Variants in NAA35 observed in about 807,000 individuals in gnomAD.
NAA35 encodes the protein MAK10 homolog, amino-acid N-acetyltransferase subunit.
A neutral mutation model predicts 101.7 loss-of-function variants in NAA35; 18 were observed. The ratio of observed to expected loss-of-function variants is 0.18; its 90% CI spans 0.12 to 0.26. The LOEUF (loss-of-function observed/expected upper bound fraction) is 0.26. Among genes scored for constraint, NAA35 ranks in the 10% least tolerant of loss-of-function variants. The pLI, the probability that NAA35 is intolerant of heterozygous loss-of-function variation, is 1.00. For missense variants in NAA35, 601 were observed against 886.8 expected (o/e 0.68, Z 4.09); for synonymous variants, 267 against 273.1 (o/e 0.98, Z 0.22).
chr9:85,948,397 G>C (rs1199333739), intron 2 of NAA35, among the ~76,000 whole-genome samples: 1 of 152,166 alleles, frequency 6.6e-6, no homozygotes, highest in East Asian at 1.9e-4. Flanking sequence ...TGGAGATCCT[G>C]TTGGTTTCAT....
At chr9:85,996,685 A>G in intron 12 of NAA35, 108 bp downstream of exon 12, 1 of 778,498 alleles carries the variant, frequency 1.3e-6, no homozygotes, top group Non-Finnish European at 2.0e-6. Flanking sequence ...AGAATAATTG[A>G]TTGCTTTATA....
intron 6 of NAA35, among the ~76,000 whole-genome samples, chr9:85,973,035 CTA>C (rs1442505232): frequency 6.6e-6 from 1 of 152,140 alleles, no homozygotes. Flanking sequence ...GGGAAAATCT[CTA>C]TTTGAGGAAT....
intron 11 of NAA35, among the ~76,000 whole-genome samples, chr9:85,994,947 G>T (rs985388363): frequency 2.0e-5 from 3 of 152,062 alleles, no homozygotes; most frequent in African/African-American, 7.2e-5. Flanking sequence ...ACCCTGATTT[G>T]ATTATTACAC....
chr9:85,973,330 G>A (rs1830073651), intron 6 of NAA35, among the ~76,000 whole-genome samples: 1 of 152,208 alleles, frequency 6.6e-6, no homozygotes, highest in Non-Finnish European at 1.5e-5. Flanking sequence ...ATGACATGAT[G>A]TGACTTATTT....
At chr9:85,957,035 G>A (rs919575102) in intron 3 of NAA35, among the ~76,000 whole-genome samples, 1 of 152,076 alleles carries the variant, frequency 6.6e-6, no homozygotes, top group Non-Finnish European at 1.5e-5. Flanking sequence ...TAGTATCGTT[G>A]ACCCTTGAGC....
chr9:86,019,733 C>A (rs1055938446), intron 21 of NAA35, among the ~76,000 whole-genome samples: 3 of 152,114 alleles, frequency 2.0e-5, no homozygotes, highest in Non-Finnish European at 4.4e-5. Context: ...ATCTTGGGAC[C>A]GCTTCCATAG....
intron 6 of NAA35, among the ~76,000 whole-genome samples, chr9:85,970,736 AT>A (rs869187459): frequency 6.6e-6 from 1 of 151,102 alleles, no homozygotes; most frequent in East Asian, 2.2e-4. Context: ...AGTGTCAGAT[AT>A]GAATGTTAAG....
intron 6 of NAA35, among the ~76,000 whole-genome samples, chr9:85,963,225 T>G (rs1026636189): frequency 6.6e-6 from 1 of 151,326 alleles, no homozygotes; most frequent in African/African-American, 2.4e-5. Context: ...AATAATTAAA[T>G]GTATACCCAA....
At chr9:85,941,908 T>C in intron 1 of NAA35, 1 of 1,211,016 alleles carries the variant, frequency 8.3e-7, no homozygotes, top group Non-Finnish European at 1.0e-6. Flanking sequence ...TCTTAAACAG[T>C]AGGAAGGCAA....
At chr9:85,962,620 A>G (rs1829569969) in intron 6 of NAA35, among the ~76,000 whole-genome samples, 1 of 152,190 alleles carries the variant, frequency 6.6e-6, no homozygotes, top group Non-Finnish European at 1.5e-5. Context: ...AACAGTTTTT[A>G]AAAGTAATGC....
At chr9:85,948,474 T>C (rs1181299984) in intron 2 of NAA35, among the ~76,000 whole-genome samples, 1 of 152,222 alleles carries the variant, frequency 6.6e-6, no homozygotes, top group African/African-American at 2.4e-5. Flanking sequence ...TTGTACCTAG[T>C]ATGTAACTTC....
chr9:86,013,595 TTTC>T (rs1268064613), intron 16 of NAA35, 121 bp from the exon 17 acceptor site: 2 of 852,432 alleles, frequency 2.3e-6, no homozygotes, highest in Non-Finnish European at 3.6e-6. Flanking sequence ...TTTAAAAATG[TTTC>T]TTTGGGTGGT....
intron 2 of NAA35, among the ~76,000 whole-genome samples, chr9:85,953,417 T>G (rs531968685): frequency 1.3e-5 from 2 of 152,118 alleles, no homozygotes; most frequent in African/African-American, 4.8e-5. Context: ...CAACCAGCAG[T>G]CTACACTATG....
chr9:85,996,002 G>A (rs971807416), intron 11 of NAA35, among the ~76,000 whole-genome samples: 6 of 152,114 alleles, frequency 3.9e-5, no homozygotes, highest in Admixed American at 1.3e-4. Context: ...TAATTGAGGG[G>A]AAGAGAAGCT....
At chr9:85,955,360 A>ATATATTTTTTTTT (rs749448250) in intron 2 of NAA35, among the ~76,000 whole-genome samples, 1 of 53,930 alleles carries the variant, frequency 1.9e-5, no homozygotes, top group African/African-American at 7.7e-5. Context: ...ATATATATAT[A>ATATATTTTTTTTT]TTTTTTTTTT....
Position 86,009,888 on chromosome 9 carries a change from A to G in NAA35, c.1247A>G (p.Gln416Arg). 1 of 1,613,124 alleles carries G rather than the reference A, an allele frequency of 6.2e-7. No individual in the cohort carries two copies. The highest frequency in any genetic ancestry group is 2.2e-5 in the East Asian group (1 of 44,856). ...SPKCYLYNNH[Q>R]AKDCIDSFVT... ...AGGTGCTACCTATATAATAATCACC[A>G]GGCTAAGGACTGTATCGACTCCTTT... The change falls in exon 15 of 23, where the codon CAG becomes CGG. Residue 416 changes from glutamine (Q) to arginine (R), a missense_variant. Gln to Arg is a conservative substitution (Grantham distance 43, BLOSUM62 1). This residue lies in a region of NAA35 where 190 missense variants were observed against 223.1 expected (regional missense o/e 0.85). Transcript: ENST00000361671.
chr9:85,941,393 C>A (rs1828504892), intron 1 of NAA35, 120 bp downstream of exon 1: 11 of 985,372 alleles, frequency 1.1e-5, no homozygotes, highest in Admixed American at 6.1e-5. Flanking sequence ...CCGGCCCTCC[C>A]GCTGCGCGTC....
intron 6 of NAA35, among the ~76,000 whole-genome samples, chr9:85,968,091 C>T (rs772786019): frequency 2.6e-5 from 4 of 152,108 alleles, no homozygotes; most frequent in African/African-American, 4.8e-5. Flanking sequence ...TGCCTTGAAT[C>T]GGGGCACTGT....
chr9:86,014,688 A>G (rs1832115493), intron 17 of NAA35, among the ~76,000 whole-genome samples: 1 of 152,142 alleles, frequency 6.6e-6, no homozygotes, highest in African/African-American at 2.4e-5. Context: ...TGTGGGAGGG[A>G]AAGTAATTCT....
Sources: gnomAD v4.1 joint callset for allele counts (sites outside exome capture counted in the v4.1 genomes callset) on GRCh38, gnomAD v4.1.1 for gene constraint, gnomAD v4.1.1 regional missense constraint, MANE v1.5 for transcripts, NCBI Gene and HGNC (gene_info 2026-07-23, HGNC 2026-07-21) for gene names.